SAMD5: variants seen among roughly 807,000 people sequenced by gnomAD.
SAMD5 encodes the protein sterile alpha motif domain-containing protein 5.
SAMD5 carries 13 observed loss-of-function variants against 11.3 expected under a neutral mutation model. The observed-to-expected ratio is 1.15, with a 90% CI of 0.75 to 1.83. SAMD5 has a LOEUF of 1.83. Among genes scored for constraint, SAMD5 ranks in the 40% most tolerant of loss-of-function variants. The probability of loss-of-function intolerance (pLI) is 0.00; values close to 1 mark genes in which losing one functional copy is unlikely to be tolerated. For missense variants in SAMD5, 255 were observed against 239.1 expected (o/e 1.07, Z -0.44); for synonymous variants, 129 against 111.3 (o/e 1.16, Z -1.00).
chr6:147,698,120 A>T (rs577530894), intron 1 of SAMD5, among the ~76,000 whole-genome samples: 1 of 152,276 alleles, frequency 6.6e-6, no homozygotes, highest in African/African-American at 2.4e-5. Context: ...CACTGATCCA[A>T]CAGGAGGCGG....
intron 1 of SAMD5, among the ~76,000 whole-genome samples, chr6:147,705,549 C>T (rs1169568102): frequency 6.6e-6 from 1 of 152,082 alleles, no homozygotes; most frequent in Middle Eastern, 3.2e-3. Context: ...AGCAAAATTC[C>T]ATTAAGAAAT....
intron 1 of SAMD5, among the ~76,000 whole-genome samples, chr6:147,702,817 A>ATG (rs147257150): frequency 0.015 from 2,173 of 149,854 alleles, 37 homozygotes; most frequent in South Asian, 0.062. Flanking sequence ...CTATTTGTAT[A>ATG]TGTGTGTGTG....
the SAMD5 span, among the ~76,000 whole-genome samples, chr6:147,857,024 G>A: frequency 6.6e-6 from 1 of 151,710 alleles, no homozygotes; most frequent in African/African-American, 2.4e-5. Context: ...GAAAATGGGT[G>A]CCAATGGATG....
chr6:147,932,588 TTGTGTGTGTGTGTGTGTGTGTG>T, the SAMD5 span, among the ~76,000 whole-genome samples: 88 of 131,172 alleles, frequency 6.7e-4, no homozygotes, highest in South Asian at 0.01. Context: ...TCTTACAGAA[TTGTGTGTGTGTGTGTGTGTGTG>T]TGTGTGTGTG....
intron 1 of SAMD5, among the ~76,000 whole-genome samples, chr6:147,528,635 C>A (rs1054470744): frequency 6.6e-6 from 1 of 152,194 alleles, no homozygotes; most frequent in African/African-American, 2.4e-5. Context: ...CCAGGCTGTA[C>A]CACCTGACTT....
intron 1 of SAMD5, among the ~76,000 whole-genome samples, chr6:147,617,774 T>G (rs1288034550): frequency 6.6e-6 from 1 of 152,188 alleles, no homozygotes; most frequent in East Asian, 1.9e-4. Context: ...TAGCAAATAC[T>G]TCCAATGGCA....
chr6:147,917,855 A>G, the SAMD5 span, among the ~76,000 whole-genome samples: 4 of 152,262 alleles, frequency 2.6e-5, no homozygotes, highest in Non-Finnish European at 5.9e-5. Context: ...TTTGTCAAAG[A>G]TCAGATGGTT....
intron 1 of SAMD5, among the ~76,000 whole-genome samples, chr6:147,524,999 A>G (rs1027597889): frequency 5.9e-5 from 9 of 152,040 alleles, no homozygotes; most frequent in African/African-American, 2.2e-4. Context: ...TTCATTTGAA[A>G]GCCACATGTA....
chr6:147,790,916 G>A, the SAMD5 span, among the ~76,000 whole-genome samples: 1 of 151,766 alleles, frequency 6.6e-6, no homozygotes, highest in African/African-American at 2.4e-5. Context: ...TTGACTCTGT[G>A]AAAGTGCATT....
chr6:147,513,444 A>G (rs1245281031), intron 1 of SAMD5, among the ~76,000 whole-genome samples: 2 of 152,160 alleles, frequency 1.3e-5, no homozygotes, highest in Non-Finnish European at 2.9e-5. Context: ...TTGTGATGTG[A>G]TGTAGGAGAC....
chr6:147,709,003 A>G (rs1368658285), intron 1 of SAMD5, among the ~76,000 whole-genome samples: 3 of 152,140 alleles, frequency 2.0e-5, no homozygotes, highest in South Asian at 4.1e-4. Flanking sequence ...CCTGCTATTC[A>G]CTCATACTCC....
intron 1 of SAMD5, among the ~76,000 whole-genome samples, chr6:147,731,654 A>G (rs1791716079): frequency 7.3e-6 from 1 of 136,904 alleles, no homozygotes; most frequent in Non-Finnish European, 1.6e-5. Context: ...GGCCACTACA[A>G]AAAAAAAAAA....
At chr6:147,770,262 TA>T in the SAMD5 span, among the ~76,000 whole-genome samples, 1 of 150,860 alleles carries the variant, frequency 6.6e-6, no homozygotes, top group African/African-American at 2.4e-5. Context: ...TAATTTTTTT[TA>T]AAAAAAATCT....
At chr6:147,773,801 C>T in the SAMD5 span, among the ~76,000 whole-genome samples, 1 of 152,058 alleles carries the variant, frequency 6.6e-6, no homozygotes, top group African/African-American at 2.4e-5. Context: ...GCTGTCTTCC[C>T]AATGTGTTCT....
intron 1 of SAMD5, among the ~76,000 whole-genome samples, chr6:147,705,089 C>A (rs945662279): frequency 2.0e-5 from 3 of 152,146 alleles, no homozygotes; most frequent in African/African-American, 7.2e-5. Flanking sequence ...AAGGTAGAGG[C>A]GAACCTTGTA....
At chr6:147,622,345 T>A (rs9497826) in intron 1 of SAMD5, among the ~76,000 whole-genome samples, 13,523 of 152,274 alleles carry the variant, frequency 0.089, 1,992 homozygotes, top group African/African-American at 0.31. Context: ...TTTATATGTA[T>A]CATTTTTATT....
the SAMD5 span, among the ~76,000 whole-genome samples, chr6:147,918,532 A>G: frequency 6.6e-6 from 1 of 152,076 alleles, no homozygotes; most frequent in East Asian, 1.9e-4. Context: ...AGTGTATTTA[A>G]TTAGGAAAAG....
At chr6:147,560,631 G>A (rs1340557853) in intron 1 of SAMD5, among the ~76,000 whole-genome samples, 2 of 152,040 alleles carry the variant, frequency 1.3e-5, no homozygotes, top group Non-Finnish European at 2.9e-5. Context: ...TAATTAGGAG[G>A]AAAATCACAA....
At chr6:147,855,892 C>T in the SAMD5 span, among the ~76,000 whole-genome samples, 2 of 152,170 alleles carry the variant, frequency 1.3e-5, no homozygotes, top group Non-Finnish European at 2.9e-5. Context: ...TAAAAATACA[C>T]CTACCATATG....
Sources: gnomAD v4.1 joint callset for allele counts (sites outside exome capture counted in the v4.1 genomes callset) on GRCh38, gnomAD v4.1.1 for gene constraint, MANE v1.5 for transcripts, NCBI Gene and HGNC (gene_info 2026-07-23, HGNC 2026-07-21) for gene names.